The following CLASP1 variants were observed in gnomAD, a reference collection of about 807,000 sequenced individuals.
CLASP1 encodes the protein CLIP-associating protein 1.
In CLASP1, 38 loss-of-function variants were observed where a neutral mutation model predicts 192.3. The observed-to-expected ratio is 0.20, with a 90% CI of 0.15 to 0.26. The LOEUF is 0.26. Among genes scored for constraint, CLASP1 ranks in the 10% least tolerant of loss-of-function variants. The pLI, the probability that CLASP1 is intolerant of heterozygous loss-of-function variation, is 1.00. For synonymous variants in CLASP1, 691 were observed against 712.8 expected, an observed-to-expected ratio of 0.97 and a Z score of 0.49; for missense variants, 1,433 against 1,932.5, an observed-to-expected ratio of 0.74 and a Z score of 4.85.
intron 7 of CLASP1, among the ~76,000 whole-genome samples, chr2:121,506,759 G>A (rs2093960287): frequency 6.6e-6 from 1 of 152,162 alleles, no homozygotes; most frequent in Non-Finnish European, 1.5e-5. Flanking sequence ...GAGCCAGTCA[G>A]TAGAGGCTGG....
At chr2:121,397,059 G>C in intron 30 of CLASP1, 81 bp downstream of exon 31, 1 of 1,444,940 alleles carries the variant, frequency 6.9e-7, no homozygotes, top group Non-Finnish European at 9.7e-7. Flanking sequence ...TGGGTGGCAC[G>C]GTTTTCAAGT....
intron 25 of CLASP1, 101 bp from the exon 27 acceptor site, chr2:121,404,535 T>C (rs2076632784): frequency 6.7e-6 from 7 of 1,043,384 alleles, no homozygotes; most frequent in Non-Finnish European, 1.0e-5. Context: ...GGTGCGATCA[T>C]AGCTCACTAC....
At chr2:121,537,338 G>GC (rs2095114457) in intron 2 of CLASP1, among the ~76,000 whole-genome samples, 1 of 151,936 alleles carries the variant, frequency 6.6e-6, no homozygotes, top group Non-Finnish European at 1.5e-5. Context: ...GCTGCAGTGA[G>GC]CCGTGATCTT....
exon 32 of CLASP1, chr2:121,387,190 T>C (rs752813575): frequency 6.2e-7 from 1 of 1,610,276 alleles, no homozygotes; most frequent in South Asian, 1.1e-5. Context: ...TGCTGGTGTG[T>C]CGGGAGGGCG....
intron 34 of CLASP1, among the ~76,000 whole-genome samples, chr2:121,374,028 A>G (rs998558348): frequency 6.6e-6 from 1 of 152,252 alleles, no homozygotes; most frequent in Non-Finnish European, 1.5e-5. Context: ...CAATGGAGTA[A>G]TGTCTCCAGG....
chr2:121,564,263 C>A (rs1384536860), intron 2 of CLASP1, among the ~76,000 whole-genome samples: 1 of 152,128 alleles, frequency 6.6e-6, no homozygotes, highest in Non-Finnish European at 1.5e-5. Context: ...TAACATTTAT[C>A]CATTCTTCTA....
chr2:121,477,509 G>A (rs1575249248), intron 8 of CLASP1, among the ~76,000 whole-genome samples: 1 of 152,086 alleles, frequency 6.6e-6, no homozygotes, highest in African/African-American at 2.4e-5. Context: ...TCCACTATAA[G>A]CAATATAAGC....
intron 39 of CLASP1, among the ~76,000 whole-genome samples, chr2:121,341,206 G>T (rs1161277956): frequency 6.6e-6 from 1 of 152,346 alleles, no homozygotes; most frequent in Non-Finnish European, 1.5e-5. Context: ...ACCACCACCA[G>T]GTGTCACAAC....
chr2:121,489,588 T>A (rs2093182480), intron 8 of CLASP1, among the ~76,000 whole-genome samples: 1 of 152,220 alleles, frequency 6.6e-6, no homozygotes, highest in African/African-American at 2.4e-5. Context: ...GTTGTTCCCA[T>A]CACATCAACT....
chr2:121,643,394 G>A (rs970076098), intron 1 of CLASP1, among the ~76,000 whole-genome samples: 3 of 152,116 alleles, frequency 2.0e-5, no homozygotes, highest in Admixed American at 6.6e-5. Context: ...CATGGTTCAC[G>A]TGAAAAGGAC....
intron 1 of CLASP1, among the ~76,000 whole-genome samples, chr2:121,625,048 T>C (rs1276814524): frequency 6.6e-6 from 1 of 152,206 alleles, no homozygotes; most frequent in Non-Finnish European, 1.5e-5. Context: ...ATCCGTTAAA[T>C]TAATTGAGGC....
intron 19 of CLASP1, among the ~76,000 whole-genome samples, chr2:121,430,899 G>A (rs1348490944): frequency 2.0e-5 from 3 of 150,696 alleles, no homozygotes; most frequent in East Asian, 3.9e-4. Flanking sequence ...ATTGAACCAC[G>A]AAGCCATAAA....
intron 2 of CLASP1, among the ~76,000 whole-genome samples, chr2:121,581,257 G>GTTTTTTTTTT (rs1429061024): frequency 7.6e-5 from 7 of 91,674 alleles, no homozygotes; most frequent in African/African-American, 1.7e-4. Flanking sequence ...AAGGCCTTTT[G>GTTTTTTTTTT]TTCTTTTTTT....
At chr2:121,459,909 C>T in intron 12 of CLASP1, 71 bp downstream of exon 12, 1 of 1,431,058 alleles carries the variant, frequency 7.0e-7, no homozygotes, top group African/African-American at 1.4e-5. Context: ...CTCACATGTT[C>T]AAGGAGACAT....
rs375249967 is a variant in CLASP1, at chr2:121,609,405, C to T, written c.-285-3225G>A. 5.4e-4 allele frequency among the ~76,000 whole-genome samples: 83 copies of T among 152,296 alleles called. 2 individuals are homozygous for T. The East Asian group carries it at 0.012, about 22-fold the overall frequency. On this transcript the variant is annotated intron_variant, in intron 1 of 39. Coordinates refer to ENST00000263710, the Ensembl canonical transcript of CLASP1. ...TGCAAAGAATGAAAGAGACTGGAAG[C>T]CCCTAGGCTTTAAGCAGATTGAATT...
In CLASP1 at chr2:121,603,586, C is replaced by A. The variant is rs115136029; in HGVS notation, c.195+2115G>T. Among the ~76,000 whole-genome samples the A allele has an allele frequency of 7.1e-3, 1,081 of 152,256 alleles. 13 individuals carry two copies. Among genetic ancestry groups the A allele is most frequent in the African/African-American group, 0.024 (992 of 41,528 alleles). ...GCAATCCCACTAGTGGGAATTTATT[C>A]AAGTGAAAAGAAATCAGAATATGGA... On this transcript the variant is annotated intron_variant, in intron 2 of 39. Transcript: ENST00000263710.
At chr2:121,343,707 G>C (rs893640593) in intron 39 of CLASP1, among the ~76,000 whole-genome samples, 1 of 152,170 alleles carries the variant, frequency 6.6e-6, no homozygotes, top group African/African-American at 2.4e-5. Context: ...CAAAGGTTCA[G>C]TTTTGCAAAA....
chr2:121,577,863 C>G (rs2060681233), intron 2 of CLASP1, among the ~76,000 whole-genome samples: 1 of 152,014 alleles, frequency 6.6e-6, no homozygotes, highest in Non-Finnish European at 1.5e-5. Context: ...GTGCTTGAGT[C>G]CAGGAGTTCA....
chr2:121,528,915 T>C, intron 3 of CLASP1, 135 bp from the exon 4 acceptor site: 1 of 708,916 alleles, frequency 1.4e-6, no homozygotes, highest in Non-Finnish European at 2.5e-6. Flanking sequence ...ACCACTCATC[T>C]TTGCTCACAG....
Sources: allele counts gnomAD v4.1 joint callset (sites outside exome capture counted in the v4.1 genomes callset), GRCh38; gene constraint gnomAD v4.1.1; transcripts MANE v1.5; gene names NCBI Gene and HGNC (gene_info 2026-07-23, HGNC 2026-07-21).